Variants in HMOX1 observed in about 807,000 individuals in gnomAD.
HMOX1 encodes heme oxygenase 1.
HMOX1 carries 22 observed loss-of-function variants against 27.8 expected under a neutral mutation model. The ratio of observed to expected loss-of-function variants is 0.79; its 90% CI spans 0.57 to 1.13. The LOEUF is 1.13. HMOX1 is among the 50% of genes most tolerant of loss of function. The pLI, the probability that HMOX1 is intolerant of heterozygous loss-of-function variation, is 0.00. For synonymous variants in HMOX1, 153 were observed against 151.6 expected (o/e 1.01, Z -0.07); for missense variants, 379 against 377.7 (o/e 1.00, Z -0.03).
chr22:35,386,760 T>C lies in HMOX1; in HGVS notation c.220T>C (p.Phe74Leu), dbSNP rs758414026. 34 of 1,614,078 alleles carry C rather than the reference T, an allele frequency of 2.1e-5. No homozygotes were observed. In the Admixed American group the frequency reaches 3.8e-4, roughly 18 times the overall value. Residue 74 changes from phenylalanine to leucine, a missense_variant, in exon 3 of 5, where the codon TTC becomes CTC. Transcript: ENST00000216117. Reference sequence around the variant, plus strand: ...TGAGCGCAACAAGGAGAGCCCAGTCTTCGCCCCTGTCTACTTCCCAGAAGA... The same window carrying C: ...TGAGCGCAACAAGGAGAGCCCAGTCCTCGCCCCTGTCTACTTCCCAGAAGA... ...EIERNKESPV[F>L]APVYFPEELH...
intron 2 of HMOX1, among the ~76,000 whole-genome samples, chr22:35,385,948 ATTTATTTATT>A (rs1305527349): frequency 7.4e-6 from 1 of 135,556 alleles, no homozygotes; most frequent in Non-Finnish European, 1.6e-5. Context: ...TTATTTATTT[ATTTATTTATT>A]TTTATTTATT....
Position 35,393,816 on chromosome 22 carries a change from G to T in HMOX1, c.*218G>T. 3.4e-6 allele frequency: 2 copies of T among 584,298 alleles called. No individual in the cohort carries two copies. The highest frequency in any genetic ancestry group is 6.2e-6 in the Non-Finnish European group (2 of 322,652). The allele number at this position is 584,298 out of a possible 1,614,324, so 36.2% of individuals were successfully genotyped here. A position where few individuals can be genotyped will look rare whatever the true frequency, so the allele number is the denominator to read the frequency against. On this transcript the variant is annotated 3_prime_UTR_variant, in exon 5 of 5. Coordinates refer to ENST00000216117, the MANE Select transcript of HMOX1 (RefSeq NM_002133.3). ...CCAGGCAATGGCCTAAACTTCAGAGGGGGCGAAGGGATCAGCCCTGCCCTT... is the reference window on the plus strand; with the variant it reads ...CCAGGCAATGGCCTAAACTTCAGAGTGGGCGAAGGGATCAGCCCTGCCCTT...
intron 1 of HMOX1, among the ~76,000 whole-genome samples, chr22:35,382,560 AC>A (rs1931409135): frequency 7.4e-6 from 1 of 134,348 alleles, no homozygotes; most frequent in Non-Finnish European, 1.6e-5. Context: ...ATAGGGTTTC[AC>A]CATGTTGGCC....
At chr22:35,390,369 G>A (rs1931683964) in intron 4 of HMOX1, 3 of 292,438 alleles carry the variant, frequency 1.0e-5, no homozygotes, top group South Asian at 3.2e-5. Context: ...GATTACAGGC[G>A]CCCACCACCA....
At position 35,383,237 on chromosome 22, in the gene HMOX1, T is replaced by C. The variant is rs1931426315; in HGVS notation, c.144+11T>C. On this transcript the variant is annotated intron_variant, in intron 2 of 4. Coordinates refer to ENST00000216117, the MANE Select transcript of HMOX1 (RefSeq NM_002133.3). ...CGAGACGGCTTCAAGGTATGTGGCT[T>C]GGTGGGACTAGCCCTGGTGGAGGGT... The C allele has an allele frequency of 1.2e-6, 2 of 1,612,516 alleles. No homozygotes were observed. The highest frequency in any genetic ancestry group is 8.5e-7 in the Non-Finnish European group (1 of 1,179,018).
intron 4 of HMOX1, among the ~76,000 whole-genome samples, chr22:35,392,437 T>C (rs1482653097): frequency 6.6e-6 from 1 of 152,058 alleles, no homozygotes; most frequent in Non-Finnish European, 1.5e-5. Flanking sequence ...ACAACACACA[T>C]GTAAATGTCA....
At position 35,389,141 on chromosome 22, in the gene HMOX1, T is replaced by C. The variant is rs117081927; in HGVS notation, c.637-723T>C. On this transcript the variant is annotated intron_variant, in intron 3 of 4. Transcript: ENST00000216117. ...GGGCAAGAGCAGGCAGGGGAGCCAATTGGGCTTGGAACATCTTATCTCTTA... is the reference window on the plus strand; with the variant it reads ...GGGCAAGAGCAGGCAGGGGAGCCAACTGGGCTTGGAACATCTTATCTCTTA... 4.9e-3 allele frequency among the ~76,000 whole-genome samples: 742 copies of C among 152,142 alleles called. 23 individuals carry two copies. In the South Asian group the frequency reaches 0.078, roughly 16 times the overall value.
chr22:35,383,631 C>T (rs573506738), intron 2 of HMOX1, among the ~76,000 whole-genome samples: 1 of 152,250 alleles, frequency 6.6e-6, no homozygotes, highest in Admixed American at 6.5e-5. Flanking sequence ...CCGATTTCAG[C>T]CTTGTACTCC....
chr22:35,383,959 G>C (rs1931447217), intron 2 of HMOX1, among the ~76,000 whole-genome samples: 1 of 151,626 alleles, frequency 6.6e-6, no homozygotes, highest in African/African-American at 2.4e-5. Context: ...GGAAGAGCTT[G>C]TTCAGGTTGA....
Position 35,390,043 on chromosome 22 carries a change from C to A in HMOX1, c.736+80C>A. 3.1e-6 allele frequency: 3 copies of A among 970,328 alleles called. No homozygotes were observed. In the Admixed American group the frequency reaches 5.9e-5, roughly 19 times the overall value. The allele number at this position is 970,328 out of a possible 1,614,324, so 60.1% of individuals were successfully genotyped here. A position where few individuals can be genotyped will look rare whatever the true frequency, so the allele number is the denominator to read the frequency against. On this transcript the variant is annotated intron_variant, in intron 4 of 4. Coordinates refer to ENST00000216117, the MANE Select transcript of HMOX1 (RefSeq NM_002133.3). The stretch of plus-strand genomic sequence containing the variant: ...CTGTCTGACTGTAGTATCTCTATTC[C>A]TCTGTTTTCTGAATGTTTGGTGGTG...
chr22:35,389,188 A>AT (rs1210415561), intron 3 of HMOX1, among the ~76,000 whole-genome samples: 1 of 116,468 alleles, frequency 8.6e-6, no homozygotes, highest in Non-Finnish European at 1.8e-5. Flanking sequence ...AGGGATATGA[A>AT]TTTTCTTTCT....
intron 4 of HMOX1, among the ~76,000 whole-genome samples, chr22:35,391,586 C>CT (rs56153278): frequency 0.03 from 2,655 of 88,648 alleles, 189 homozygotes; most frequent in African/African-American, 0.07. Context: ...CGCGCCCGGC[C>CT]TTTTTTTTTT....
chr22:35,390,093 A>AC, intron 4 of HMOX1, 130 bp downstream of exon 4: 1 of 731,136 alleles, frequency 1.4e-6, no homozygotes. Context: ...CTGCTGCCCC[A>AC]CCCCACTGCC....
chr22:35,384,728 C>G (rs1000147902), intron 2 of HMOX1, among the ~76,000 whole-genome samples: 1 of 150,034 alleles, frequency 6.7e-6, no homozygotes, highest in Non-Finnish European at 1.5e-5. Flanking sequence ...TCTGTGCTGG[C>G]CCAGATCCTC....
At chr22:35,389,768 C>A in intron 3 of HMOX1, 96 bp from the exon 4 acceptor site, 1 of 867,790 alleles carries the variant, frequency 1.2e-6, no homozygotes, top group South Asian at 1.4e-5. Flanking sequence ...CTTGTTATTT[C>A]CAAAGTATTT....
At chr22:35,387,713 T>G (rs1931544194) in intron 3 of HMOX1, among the ~76,000 whole-genome samples, 1 of 152,196 alleles carries the variant, frequency 6.6e-6, no homozygotes, top group African/African-American at 2.4e-5. Flanking sequence ...GATGAATTCT[T>G]GGGCAGAGGT....
intron 4 of HMOX1, among the ~76,000 whole-genome samples, chr22:35,393,035 A>G (rs999488665): frequency 3.9e-5 from 6 of 152,090 alleles, no homozygotes; most frequent in African/African-American, 1.4e-4. Context: ...TTTAATAACC[A>G]GGGATGGGAC....
At chr22:35,381,873 C>T (rs35427263) in intron 1 of HMOX1, among the ~76,000 whole-genome samples, 1 of 151,940 alleles carries the variant, frequency 6.6e-6, no homozygotes, top group Non-Finnish European at 1.5e-5. Context: ...CTTTGACCAG[C>T]TGTGTTGTAG....
At position 35,386,793 on chromosome 22, in the gene HMOX1, C is replaced by G. The variant is rs141730669; in HGVS notation, c.253C>G (p.Arg85Gly). 2.4e-5 allele frequency: 39 copies of G among 1,614,086 alleles called. No individual in the cohort carries two copies. The highest frequency in any genetic ancestry group is 3.2e-5 in the Non-Finnish European group (38 of 1,180,034). The change falls in exon 3 of 5, where the codon CGC (arginine) becomes GGC (glycine). Residue 85 changes from arginine to glycine, a missense_variant. Physicochemically the swap from Arg to Gly is moderately radical, Grantham distance 125. Coordinates refer to ENST00000216117, the MANE Select transcript of HMOX1 (RefSeq NM_002133.3). ...TGTCTACTTCCCAGAAGAGCTGCACCGCAAGGCTGCCCTGGAGCAGGACCT... is the reference window on the plus strand; with the variant it reads ...TGTCTACTTCCCAGAAGAGCTGCACGGCAAGGCTGCCCTGGAGCAGGACCT... Reference protein sequence around the residue: ...APVYFPEELHRKAALEQDLAF... With the variant: ...APVYFPEELHGKAALEQDLAF...
Sources: allele counts gnomAD v4.1 joint callset (sites outside exome capture counted in the v4.1 genomes callset), GRCh38; gene constraint gnomAD v4.1.1; transcripts MANE v1.5; gene names NCBI Gene and HGNC (gene_info 2026-07-23, HGNC 2026-07-21).